TPRG1: variants seen among roughly 807,000 people sequenced by gnomAD.
TPRG1 encodes the protein tumor protein p63 regulated 1.
A neutral mutation model predicts 29.3 loss-of-function variants in TPRG1; 29 were observed. The observed-to-expected ratio is 0.99, with a 90% CI of 0.74 to 1.35. The LOEUF (loss-of-function observed/expected upper bound fraction) is 1.35, where lower values mean the gene tolerates loss of function less well. Among genes scored for constraint, TPRG1 ranks in the 40% most tolerant of loss-of-function variants. The pLI, the probability that TPRG1 is intolerant of heterozygous loss-of-function variation, is 0.00. For synonymous variants in TPRG1, 130 were observed against 116.8 expected (o/e 1.11, Z -0.73); for missense variants, 327 against 335.0 (o/e 0.98, Z 0.19).
At chr3:189,272,006 G>A (rs10513833) in intron 4 of TPRG1, among the ~76,000 whole-genome samples, 13,364 of 152,210 alleles carry the variant, frequency 0.088, 729 homozygotes, top group East Asian at 0.15. Flanking sequence ...TTTCCTATAC[G>A]CGCTGATGCC....
chr3:189,128,508 A>C (rs1223411304), intron 2 of TPRG1, among the ~76,000 whole-genome samples: 1 of 152,218 alleles, frequency 6.6e-6, no homozygotes, highest in African/African-American at 2.4e-5. Flanking sequence ...CTGGAGTCCT[A>C]TATTTTATCT....
intron 5 of TPRG1, among the ~76,000 whole-genome samples, chr3:189,166,408 G>T (rs1339792125): frequency 1.3e-5 from 2 of 152,196 alleles, no homozygotes; most frequent in African/African-American, 4.8e-5. Flanking sequence ...ATACTTAGTA[G>T]CATAGAATGA....
chr3:189,085,643 T>C (rs902981396), intron 4 of TPRG1, among the ~76,000 whole-genome samples: 3 of 152,156 alleles, frequency 2.0e-5, no homozygotes, highest in Non-Finnish European at 2.9e-5. Flanking sequence ...CAAGAAGTAT[T>C]TGAAGCAAAT....
At chr3:189,141,245 A>G (rs186241551) in intron 3 of TPRG1, among the ~76,000 whole-genome samples, 1 of 152,338 alleles carries the variant, frequency 6.6e-6, no homozygotes, top group Admixed American at 6.5e-5. Context: ...TGCTTTAAGT[A>G]AGAAACACAC....
intron 4 of TPRG1, among the ~76,000 whole-genome samples, chr3:189,064,975 G>A (rs982381325): frequency 4.6e-5 from 7 of 152,136 alleles, no homozygotes; most frequent in African/African-American, 1.7e-4. Flanking sequence ...GATTGCTTGA[G>A]ATTAGGAGTT....
intron 3 of TPRG1, chr3:189,004,782 A>T (rs1007137331): frequency 1.3e-5 from 2 of 152,106 alleles, no homozygotes; most frequent in African/African-American, 4.8e-5. Context: ...TATCACTAGA[A>T]ATCTAGATCT....
chr3:189,271,924 T>G (rs906366122), intron 4 of TPRG1, among the ~76,000 whole-genome samples: 1 of 152,202 alleles, frequency 6.6e-6, no homozygotes, highest in African/African-American at 2.4e-5. Context: ...AGCAACTACT[T>G]TGCTTGGTAT....
intron 4 of TPRG1, among the ~76,000 whole-genome samples, chr3:189,087,206 G>A (rs1275748874): frequency 6.6e-6 from 1 of 152,162 alleles, no homozygotes; most frequent in East Asian, 1.9e-4. Flanking sequence ...ATTCTAACTG[G>A]TGTGAGATGG....
intron 1 of TPRG1, among the ~76,000 whole-genome samples, chr3:189,204,890 T>A (rs2108793992): frequency 6.6e-6 from 1 of 150,968 alleles, no homozygotes; most frequent in Admixed American, 6.6e-5. Context: ...AAGGTCAGAG[T>A]GCCTCCTCTG....
chr3:189,030,833 C>T (rs573660023), intron 4 of TPRG1, among the ~76,000 whole-genome samples: 1 of 152,282 alleles, frequency 6.6e-6, no homozygotes, highest in East Asian at 1.9e-4. Flanking sequence ...TCCCATTTTA[C>T]AGATGAGGAA....
rs762815092 is a variant in TPRG1, at chr3:189,256,884, G to A, written c.479+17975G>A. ...AAATCTTCCTCCATCCCTTTATTTT[G>A]AGCCTATGTGTGTCTTTGCAAGTGA... On this transcript the variant is annotated intron_variant, in intron 4 of 5. Transcript: ENST00000345063. Among the ~76,000 whole-genome samples the A allele has an allele frequency of 4.6e-5, 7 of 152,090 alleles. No homozygotes were observed. The South Asian group carries it at 1.2e-3, about 27-fold the overall frequency.
intron 3 of TPRG1, among the ~76,000 whole-genome samples, chr3:189,223,504 T>C (rs942554345): frequency 3.3e-5 from 5 of 152,222 alleles, no homozygotes; most frequent in Non-Finnish European, 1.5e-5. Flanking sequence ...AACCTTACCC[T>C]GATAGCTAAT....
intron 4 of TPRG1, among the ~76,000 whole-genome samples, chr3:189,247,744 G>A (rs531321379): frequency 2.0e-5 from 3 of 151,902 alleles, no homozygotes; most frequent in South Asian, 2.1e-4. Flanking sequence ...TTTTTGCTGC[G>A]TCTTTGAAGA....
intron 4 of TPRG1, among the ~76,000 whole-genome samples, chr3:189,042,654 C>A (rs1034228071): frequency 6.6e-6 from 1 of 151,832 alleles, no homozygotes; most frequent in South Asian, 2.1e-4. Context: ...TATATTGTAT[C>A]TCAGCTGCTT....
At chr3:189,053,990 T>C (rs1715498050) in intron 4 of TPRG1, among the ~76,000 whole-genome samples, 1 of 152,198 alleles carries the variant, frequency 6.6e-6, no homozygotes, top group Admixed American at 6.5e-5. Flanking sequence ...TCCTTCAAGA[T>C]TTTTTCCTCT....
At chr3:189,314,586 A>C (rs1723190215) in intron 5 of TPRG1, among the ~76,000 whole-genome samples, 1 of 152,142 alleles carries the variant, frequency 6.6e-6, no homozygotes, top group Non-Finnish European at 1.5e-5. Flanking sequence ...TGCTTCACCA[A>C]ACTTTTCCAA....
At chr3:189,165,206 G>A (rs903736652) in intron 5 of TPRG1, among the ~76,000 whole-genome samples, 12 of 151,920 alleles carry the variant, frequency 7.9e-5, no homozygotes, top group African/African-American at 9.7e-5. Context: ...TGAAAGAATC[G>A]TGGGTCATTC....
upstream of TPRG1, among the ~76,000 whole-genome samples, chr3:189,167,797 A>G (rs920710014): frequency 6.6e-6 from 1 of 152,218 alleles, no homozygotes; most frequent in Non-Finnish European, 1.5e-5. Flanking sequence ...ATGGTGCAAC[A>G]TTAGCAGATT....
chr3:189,022,208 G>A (rs149194225), intron 3 of TPRG1, among the ~76,000 whole-genome samples: 9 of 151,868 alleles, frequency 5.9e-5, no homozygotes, highest in Non-Finnish European at 5.9e-5. Context: ...TAATTTGATC[G>A]TCTGAAGTCT....
Sources: allele counts gnomAD v4.1 joint callset (sites outside exome capture counted in the v4.1 genomes callset), GRCh38; gene constraint gnomAD v4.1.1; transcripts MANE v1.5; gene names NCBI Gene and HGNC (gene_info 2026-07-23, HGNC 2026-07-21).